Variants in SUGCT observed in about 807,000 individuals in gnomAD.
SUGCT encodes succinyl-CoA:glutarate-CoA transferase.
A neutral mutation model predicts 55.0 loss-of-function variants in SUGCT; 41 were observed. The observed-to-expected ratio is 0.74, with a 90% CI of 0.58 to 0.97. SUGCT has a LOEUF of 0.97. SUGCT is among the 50% of genes least tolerant of loss of function. SUGCT has a pLI of 0.00. For synonymous variants in SUGCT, 187 were observed against 200.4 expected, an observed-to-expected ratio of 0.93 and a Z score of 0.56; for missense variants, 568 against 547.8, an observed-to-expected ratio of 1.04 and a Z score of -0.37.
chr7:40,937,502 C>G, the SUGCT span, among the ~76,000 whole-genome samples: 1 of 152,170 alleles, frequency 6.6e-6, no homozygotes, highest in Non-Finnish European at 1.5e-5. Context: ...ATATTAAAGT[C>G]TCCAGCCATT....
chr7:40,490,550 C>T (rs970491039), intron 11 of SUGCT, among the ~76,000 whole-genome samples: 2 of 152,142 alleles, frequency 1.3e-5, no homozygotes, highest in African/African-American at 2.4e-5. Context: ...CAGTTTTTCT[C>T]AGTTTTTTGG....
the SUGCT span, among the ~76,000 whole-genome samples, chr7:40,885,291 T>A: frequency 6.6e-6 from 1 of 152,174 alleles, no homozygotes; most frequent in Non-Finnish European, 1.5e-5. Context: ...AACCAGAGTT[T>A]GTTGGCCTCA....
At chr7:40,719,100 C>G (rs1057271275) in intron 12 of SUGCT, among the ~76,000 whole-genome samples, 3 of 152,298 alleles carry the variant, frequency 2.0e-5, no homozygotes, top group African/African-American at 4.8e-5. Context: ...GCTTATGGAG[C>G]CATATGTGAT....
the SUGCT span, among the ~76,000 whole-genome samples, chr7:41,009,308 C>T: frequency 6.6e-6 from 1 of 151,574 alleles, no homozygotes; most frequent in Admixed American, 6.6e-5. Context: ...TATTAATTCT[C>T]AAAATGATTT....
the SUGCT span, among the ~76,000 whole-genome samples, chr7:40,995,573 T>G: frequency 6.6e-6 from 1 of 152,106 alleles, no homozygotes; most frequent in Non-Finnish European, 1.5e-5. Flanking sequence ...CCTTGAATAC[T>G]TCCCTCACTT....
intron 12 of SUGCT, among the ~76,000 whole-genome samples, chr7:40,744,877 A>C (rs1457452577): frequency 6.6e-6 from 1 of 152,210 alleles, no homozygotes; most frequent in Non-Finnish European, 1.5e-5. Context: ...TTAATCTAAC[A>C]AATCACCAAC....
Position 40,237,682 on chromosome 7 carries a change from G to C in SUGCT, c.532G>C (p.Val178Leu). ...TTCTCAGCGAGCTGGTTATGATGCT[G>C]TTGCCTCGGCTGTTTCTGGTCTGAT... Reference protein sequence around the residue: ...PISQRAGYDAVASAVSGLMHI... With the variant: ...PISQRAGYDALASAVSGLMHI... The change falls in exon 7 of 14, where the codon GTT becomes CTT. Residue 178 changes from valine to leucine, a missense_variant. Physicochemically the swap from Val to Leu is conservative, Grantham distance 32. Transcript: ENST00000335693. 2 of 1,613,940 alleles carry C rather than the reference G, an allele frequency of 1.2e-6. No homozygotes were observed. Among genetic ancestry groups the C allele is most frequent in the Non-Finnish European group, 1.7e-6 (2 of 1,179,870 alleles).
chr7:41,004,796 C>T, the SUGCT span, among the ~76,000 whole-genome samples: 2 of 65,240 alleles, frequency 3.1e-5, no homozygotes, highest in Non-Finnish European at 8.7e-5. Context: ...TAATACATTA[C>T]CCTTGTGGAA....
downstream of SUGCT, among the ~76,000 whole-genome samples, chr7:40,865,449 A>G (rs1429848416): frequency 1.3e-5 from 2 of 152,094 alleles, no homozygotes; most frequent in Admixed American, 6.6e-5. Context: ...GGTACTCCAA[A>G]TGCTACTCTG....
chr7:41,032,064 G>T, the SUGCT span, among the ~76,000 whole-genome samples: 1 of 152,254 alleles, frequency 6.6e-6, no homozygotes, highest in East Asian at 1.9e-4. Context: ...CATGCTAAAA[G>T]CTGGGGGATT....
intron 8 of SUGCT, among the ~76,000 whole-genome samples, chr7:40,293,747 T>A (rs1793939461): frequency 6.6e-6 from 1 of 152,196 alleles, no homozygotes; most frequent in Non-Finnish European, 1.5e-5. Flanking sequence ...GCTTCTTGGA[T>A]GGTTCCACTA....
At chr7:40,484,902 T>C (rs1014186880) in intron 11 of SUGCT, among the ~76,000 whole-genome samples, 1 of 152,012 alleles carries the variant, frequency 6.6e-6, no homozygotes, top group Non-Finnish European at 1.5e-5. Flanking sequence ...CACATGAGCA[T>C]TGGACCCAAG....
At chr7:40,744,089 A>ATTT (rs34967774) in intron 12 of SUGCT, among the ~76,000 whole-genome samples, 1 of 137,510 alleles carries the variant, frequency 7.3e-6, no homozygotes, top group Non-Finnish European at 1.6e-5. Flanking sequence ...ACCTGGCTAA[A>ATTT]TTTTTTTTTT....
the SUGCT span, among the ~76,000 whole-genome samples, chr7:40,900,039 CCACCTCCTTCATCCTCGGGGG>C: frequency 1.8e-4 from 28 of 152,272 alleles, 1 homozygote. Flanking sequence ...ACAAGGACCC[CCACCTCCTTCATCCTCGGGGG>C]CTGCTGCGAG....
intron 12 of SUGCT, among the ~76,000 whole-genome samples, chr7:40,717,040 G>T (rs1198444762): frequency 6.6e-6 from 1 of 152,018 alleles, no homozygotes; most frequent in Non-Finnish European, 1.5e-5. Context: ...CCTCTACTGG[G>T]AATGTAATTT....
intron 13 of SUGCT, chr7:40,783,390 T>C (rs1180866341): frequency 1.3e-5 from 2 of 152,192 alleles, no homozygotes; most frequent in Non-Finnish European, 2.9e-5. Context: ...AGTTTGCCTA[T>C]GTGTGTAGCA....
At chr7:40,898,337 CGAA>C in the SUGCT span, among the ~76,000 whole-genome samples, 1 of 152,116 alleles carries the variant, frequency 6.6e-6, no homozygotes, top group East Asian at 1.9e-4. Context: ...AGACTCACCG[CGAA>C]GGTCTGCGGC....
intron 12 of SUGCT, among the ~76,000 whole-genome samples, chr7:40,700,645 C>T (rs1440926711): frequency 6.6e-6 from 1 of 152,146 alleles, no homozygotes; most frequent in Non-Finnish European, 1.5e-5. Context: ...TATTTATTGA[C>T]CATGTCGGTG....
the SUGCT span, among the ~76,000 whole-genome samples, chr7:40,892,041 A>T: frequency 6.6e-6 from 1 of 152,150 alleles, no homozygotes; most frequent in South Asian, 2.1e-4. Flanking sequence ...ATTCACCATA[A>T]GGATAAAAAT....
Sources: allele counts gnomAD v4.1 joint callset (sites outside exome capture counted in the v4.1 genomes callset), GRCh38; gene constraint gnomAD v4.1.1; transcripts MANE v1.5; gene names NCBI Gene and HGNC (gene_info 2026-07-23, HGNC 2026-07-21).